Variants in LUZP2 observed in about 807,000 individuals in gnomAD.
The protein encoded by LUZP2 is leucine zipper protein 2.
In LUZP2, 52 loss-of-function variants were observed where a neutral mutation model predicts 51.6. That is an observed-to-expected ratio of 1.01 (90% CI 0.81 to 1.27). The LOEUF is 1.27. Among genes scored for constraint, LUZP2 ranks in the 50% most tolerant of loss-of-function variants. The probability of loss-of-function intolerance (pLI) is 0.00; values close to 1 mark genes in which losing one functional copy is unlikely to be tolerated. For synonymous variants in LUZP2, 154 were observed against 137.3 expected (o/e 1.12, Z -0.85); for missense variants, 436 against 395.4 (o/e 1.10, Z -0.87).
chr11:24,942,370 G>T (rs1353167198), intron 7 of LUZP2, among the ~76,000 whole-genome samples: 1 of 152,098 alleles, frequency 6.6e-6, no homozygotes, highest in East Asian at 1.9e-4. Flanking sequence ...GCAATACTTG[G>T]TTTGGTCAGT....
intron 5 of LUZP2, among the ~76,000 whole-genome samples, chr11:24,863,086 T>C (rs553880896): frequency 5.9e-5 from 9 of 152,282 alleles, no homozygotes; most frequent in African/African-American, 9.6e-5. Context: ...AATAGGAATG[T>C]TCATTTATTG....
intron 1 of LUZP2, among the ~76,000 whole-genome samples, chr11:24,607,995 T>C (rs12270953): frequency 0.35 from 53,637 of 151,630 alleles, 10,663 homozygotes; most frequent in African/African-American, 0.53. Flanking sequence ...ACTACAGATG[T>C]CCGCCACCAC....
chr11:24,589,824 A>G (rs1379013084), intron 1 of LUZP2, among the ~76,000 whole-genome samples: 1 of 152,136 alleles, frequency 6.6e-6, no homozygotes, highest in Non-Finnish European at 1.5e-5. Flanking sequence ...TGGATGTTGA[A>G]CAAGGACCTT....
chr11:24,996,924 C>G (rs1414316565), intron 9 of LUZP2, among the ~76,000 whole-genome samples: 2 of 151,146 alleles, frequency 1.3e-5, no homozygotes, highest in African/African-American at 4.9e-5. Context: ...CAATTTCATC[C>G]ATGTCCCTAC....
chr11:24,778,022 A>G (rs1848987873), intron 5 of LUZP2, among the ~76,000 whole-genome samples: 1 of 152,186 alleles, frequency 6.6e-6, no homozygotes, highest in Non-Finnish European at 1.5e-5. Flanking sequence ...AATAGGTTAT[A>G]TTTCTATAAG....
chr11:24,526,265 C>CAAA (rs71041769), intron 1 of LUZP2, among the ~76,000 whole-genome samples: 133 of 141,276 alleles, frequency 9.4e-4, no homozygotes, highest in East Asian at 2.7e-3. Flanking sequence ...CACTAGGGGG[C>CAAA]AAAAAAAAAA....
chr11:25,042,815 A>G (rs2134008944), intron 9 of LUZP2, among the ~76,000 whole-genome samples: 1 of 152,258 alleles, frequency 6.6e-6, no homozygotes, highest in Non-Finnish European at 1.5e-5. Flanking sequence ...CTCTTCTTCT[A>G]TCTTATAAAG....
chr11:24,864,137 T>C (rs187400685), intron 5 of LUZP2, among the ~76,000 whole-genome samples: 5 of 152,252 alleles, frequency 3.3e-5, no homozygotes, highest in Non-Finnish European at 5.9e-5. Context: ...TCCCCAATAA[T>C]GGTAATAGTG....
chr11:24,776,118 A>C (rs1399509662), intron 5 of LUZP2, among the ~76,000 whole-genome samples: 1 of 152,190 alleles, frequency 6.6e-6, no homozygotes, highest in Non-Finnish European at 1.5e-5. Context: ...TAGAACCATA[A>C]GTTAAACTTA....
At chr11:24,521,717 C>T (rs932717617) in intron 1 of LUZP2, among the ~76,000 whole-genome samples, 4 of 152,008 alleles carry the variant, frequency 2.6e-5, no homozygotes, top group Admixed American at 2.0e-4. Flanking sequence ...TCACAGTGAA[C>T]GGGCAGCTCC....
At chr11:25,049,524 T>C (rs375867711) in intron 9 of LUZP2, among the ~76,000 whole-genome samples, 1 of 152,156 alleles carries the variant, frequency 6.6e-6, no homozygotes, top group East Asian at 1.9e-4. Flanking sequence ...GAATAATATT[T>C]AGGGTTTCTG....
chr11:24,603,184 T>C (rs1219592779), intron 1 of LUZP2, among the ~76,000 whole-genome samples: 1 of 151,798 alleles, frequency 6.6e-6, no homozygotes, highest in Non-Finnish European at 1.5e-5. Flanking sequence ...TGAGAATTAA[T>C]GTGAAACCCC....
At chr11:25,019,136 G>A (rs1204372949) in intron 9 of LUZP2, among the ~76,000 whole-genome samples, 2 of 152,040 alleles carry the variant, frequency 1.3e-5, no homozygotes. Context: ...GTTTGCTCTT[G>A]GTGTTGTATA....
intron 7 of LUZP2, among the ~76,000 whole-genome samples, chr11:24,948,041 A>G (rs1008922477): frequency 2.0e-5 from 3 of 151,786 alleles, no homozygotes; most frequent in Non-Finnish European, 4.4e-5. Context: ...TTCTTTTGGT[A>G]TTCCGTAATT....
rs151250873 is a variant in LUZP2 at position 24,819,517 on chromosome 11, G to T, written c.396+56209G>T. On this transcript the variant is annotated intron_variant, in intron 5 of 11. Transcript: ENST00000336930. The stretch of plus-strand genomic sequence containing the variant: ...CGTATATGCCCAGAAATCTCTATAG[G>T]AATACACATTTATAATTATGCCTGA... Among the ~76,000 whole-genome samples, 412 of 152,086 alleles carry T rather than the reference G, an allele frequency of 2.7e-3. 1 individual carries two copies. The highest frequency in any genetic ancestry group is 9.3e-3 in the African/African-American group (387 of 41,508).
chr11:24,738,341 T>C (rs778087255), intron 4 of LUZP2, 39 bp downstream of exon 4: 1 of 1,431,828 alleles, frequency 7.0e-7, no homozygotes, highest in Non-Finnish European at 9.8e-7. Context: ...GCTTTTGGGC[T>C]GGGACATTGT....
chr11:24,689,577 T>G (rs1435818048), intron 1 of LUZP2, among the ~76,000 whole-genome samples: 3 of 152,166 alleles, frequency 2.0e-5, no homozygotes, highest in African/African-American at 7.2e-5. Flanking sequence ...TAACAACTGC[T>G]TGACCATCAC....
chr11:24,500,181 A>C (rs1849952017), intron 1 of LUZP2, among the ~76,000 whole-genome samples: 1 of 152,188 alleles, frequency 6.6e-6, no homozygotes, highest in South Asian at 2.1e-4. Flanking sequence ...CTAAATGTTC[A>C]ATTTACACAA....
At chr11:25,046,198 A>G (rs377442684) in intron 9 of LUZP2, among the ~76,000 whole-genome samples, 92 of 142,874 alleles carry the variant, frequency 6.4e-4, no homozygotes, top group Middle Eastern at 3.5e-3. Flanking sequence ...CTTGGGATAT[A>G]CCATACCATG....
Sources: gnomAD v4.1 joint callset for allele counts (sites outside exome capture counted in the v4.1 genomes callset) on GRCh38, gnomAD v4.1.1 for gene constraint, MANE v1.5 for transcripts, NCBI Gene and HGNC (gene_info 2026-07-23, HGNC 2026-07-21) for gene names.